MPPED2: variants seen among roughly 807,000 people sequenced by gnomAD.
MPPED2 encodes the protein metallophosphoesterase MPPED2.
A neutral mutation model predicts 33.0 loss-of-function variants in MPPED2; 5 were observed. The ratio of observed to expected loss-of-function variants is 0.15; its 90% CI spans 0.08 to 0.32. MPPED2 has a LOEUF of 0.32. MPPED2 is among the 10% of genes least tolerant of loss of function. The probability of loss-of-function intolerance (pLI) is 1.00; values close to 1 mark genes in which losing one functional copy is unlikely to be tolerated. For synonymous variants in MPPED2, 136 were observed against 141.9 expected, an observed-to-expected ratio of 0.96 and a Z score of 0.29; for missense variants, 275 against 372.1, an observed-to-expected ratio of 0.74 and a Z score of 2.15.
chr11:30,418,739 C>T (rs1565048280), intron 4 of MPPED2, among the ~76,000 whole-genome samples: 1 of 152,210 alleles, frequency 6.6e-6, no homozygotes. Context: ...TGACCCTAAC[C>T]TTGTCAATCA....
chr11:30,393,349 G>A (rs933156440), intron 6 of MPPED2, among the ~76,000 whole-genome samples: 6 of 151,952 alleles, frequency 3.9e-5, no homozygotes, highest in Non-Finnish European at 2.9e-5. Flanking sequence ...GATGACTTTG[G>A]CTTTATCATC....
intron 2 of MPPED2, among the ~76,000 whole-genome samples, chr11:30,537,474 T>C (rs1365916520): frequency 6.6e-6 from 1 of 152,214 alleles, no homozygotes; most frequent in Non-Finnish European, 1.5e-5. Flanking sequence ...TTTGTTTAAT[T>C]TGTTTTCTCT....
chr11:30,531,405 C>T (rs1185838709), intron 3 of MPPED2, among the ~76,000 whole-genome samples: 1 of 152,170 alleles, frequency 6.6e-6, no homozygotes. Flanking sequence ...GGCTCTGTCA[C>T]TCCCTCCAGC....
intron 3 of MPPED2, among the ~76,000 whole-genome samples, chr11:30,512,363 C>T (rs1042938180): frequency 3.3e-5 from 5 of 152,116 alleles, no homozygotes; most frequent in African/African-American, 1.2e-4. Context: ...AGCCATGGCA[C>T]CTAATGTGTC....
intron 4 of MPPED2, among the ~76,000 whole-genome samples, chr11:30,467,004 C>T (rs1950737584): frequency 6.6e-6 from 1 of 152,112 alleles, no homozygotes; most frequent in African/African-American, 2.4e-5. Flanking sequence ...CGAATTTTTC[C>T]TTCACATGAC....
intron 2 of MPPED2, among the ~76,000 whole-genome samples, chr11:30,550,628 G>A (rs942135329): frequency 6.6e-5 from 10 of 152,172 alleles, no homozygotes; most frequent in Admixed American, 4.6e-4. Context: ...GAAGAAATGA[G>A]CTATTTCCAT....
At chr11:30,436,516 T>TTACCTCTCCAGGCATCAGCTTCCTC (rs1949333747) in intron 4 of MPPED2, among the ~76,000 whole-genome samples, 1 of 152,124 alleles carries the variant, frequency 6.6e-6, no homozygotes, top group Non-Finnish European at 1.5e-5. Context: ...TTAGCTTCAT[T>TTACCTCTCCAGGCATCAGCTTCCTC]TACCTCTCCA....
At chr11:30,387,956 G>A (rs1396007189) in exon 7 of MPPED2, 1 of 152,234 alleles carries the variant, frequency 6.6e-6, no homozygotes, top group Non-Finnish European at 1.5e-5. Flanking sequence ...AGGAAGGTGG[G>A]AGCTGGGGTG....
Position 30,469,302 on chromosome 11 carries a change from T to C in MPPED2, c.536+25994A>G, listed in dbSNP as rs117293231. Among the ~76,000 whole-genome samples, 738 of 152,316 alleles carry C rather than the reference T, an allele frequency of 4.8e-3. 2 individuals are homozygous for C. The highest frequency in any genetic ancestry group is 7.6e-3 in the Non-Finnish European group (520 of 68,032). ...TATCTTTTTTTAATATCAAAAGTAG[T>C]ATTGAATAGTAATGACAACAATAAT... On this transcript the variant is annotated intron_variant, in intron 4 of 6. Transcript: ENST00000358117.
downstream of MPPED2, chr11:30,410,101 G>A (rs1554961489): frequency 2.0e-6 from 2 of 984,568 alleles, no homozygotes; most frequent in Non-Finnish European, 2.4e-6. Flanking sequence ...TTGAAAATTA[G>A]GGAAAAAAAT....
At chr11:30,390,728 G>A (rs989301833) in intron 6 of MPPED2, among the ~76,000 whole-genome samples, 14 of 152,342 alleles carry the variant, frequency 9.2e-5, no homozygotes, top group African/African-American at 3.1e-4. Context: ...CTCCAAGGTT[G>A]CTGTGCCAGT....
intron 3 of MPPED2, among the ~76,000 whole-genome samples, chr11:30,526,098 A>C (rs1249383466): frequency 6.6e-6 from 1 of 152,236 alleles, no homozygotes. Flanking sequence ...TATGAATTAG[A>C]CCATGAAGTA....
chr11:30,507,136 C>T (rs1227801952), intron 3 of MPPED2, among the ~76,000 whole-genome samples: 2 of 152,182 alleles, frequency 1.3e-5, no homozygotes, highest in African/African-American at 2.4e-5. Flanking sequence ...TTACATGGTA[C>T]TTTTGTCAAT....
chr11:30,507,316 C>A, intron 3 of MPPED2, among the ~76,000 whole-genome samples: 1 of 152,204 alleles, frequency 6.6e-6, no homozygotes, highest in East Asian at 1.9e-4. Context: ...ATACACAGTT[C>A]TATTCTCCTT....
At chr11:30,497,556 C>G (rs1224852871) in intron 3 of MPPED2, among the ~76,000 whole-genome samples, 2 of 152,144 alleles carry the variant, frequency 1.3e-5, no homozygotes, top group African/African-American at 4.8e-5. Context: ...CACTGTAAAC[C>G]CTTTCATTAT....
At chr11:30,473,362 T>C (rs1055624953) in intron 4 of MPPED2, among the ~76,000 whole-genome samples, 4 of 152,196 alleles carry the variant, frequency 2.6e-5, no homozygotes, top group Non-Finnish European at 5.9e-5. Flanking sequence ...GAACATAAAC[T>C]CCATCTTGCC....
At chr11:30,450,487 A>G (rs1000792283) in intron 4 of MPPED2, among the ~76,000 whole-genome samples, 1 of 152,226 alleles carries the variant, frequency 6.6e-6, no homozygotes, top group African/African-American at 2.4e-5. Flanking sequence ...ACAGATGAAG[A>G]TCTCAACTTG....
Position 30,469,680 on chromosome 11 carries a change from C to T in MPPED2, c.536+25616G>A, listed in dbSNP as rs148884430. Reference sequence around the variant, plus strand: ...GTGTGTAAAGCCCTTCAGAGAGTGCCTCCCCCAGGAGTAAGCCCTCAAATG... The same window carrying T: ...GTGTGTAAAGCCCTTCAGAGAGTGCTTCCCCCAGGAGTAAGCCCTCAAATG... On this transcript the variant is annotated intron_variant, in intron 4 of 6. Transcript: ENST00000358117. Among the ~76,000 whole-genome samples, 20 of 152,220 alleles carry T rather than the reference C, an allele frequency of 1.3e-4. No individual in the cohort carries two copies. In the East Asian group the frequency reaches 3.5e-3, roughly 27 times the overall value.
chr11:30,474,872 T>C (rs1052454896), intron 4 of MPPED2, among the ~76,000 whole-genome samples: 1 of 152,186 alleles, frequency 6.6e-6, no homozygotes, highest in Non-Finnish European at 1.5e-5. Flanking sequence ...AAAAGTGTTT[T>C]AACTAATATG....
Sources: gnomAD v4.1 joint callset for allele counts (sites outside exome capture counted in the v4.1 genomes callset) on GRCh38, gnomAD v4.1.1 for gene constraint, MANE v1.5 for transcripts, NCBI Gene and HGNC (gene_info 2026-07-23, HGNC 2026-07-21) for gene names.